ANKMY1: variants seen among roughly 807,000 people sequenced by gnomAD.
The protein encoded by ANKMY1 is ankyrin repeat and MYND domain containing 1, also known as ankyrin repeat and MYND domain-containing protein 1.
In ANKMY1, 98 loss-of-function variants were observed where a neutral mutation model predicts 102.0. The ratio of observed to expected loss-of-function variants is 0.96; its 90% CI spans 0.82 to 1.14. The LOEUF (loss-of-function observed/expected upper bound fraction) is 1.14. ANKMY1 is among the 50% of genes most tolerant of loss of function. The pLI is 0.00. For synonymous variants in ANKMY1, 582 were observed against 559.9 expected (o/e 1.04, Z -0.56); for missense variants, 1,330 against 1,347.6 (o/e 0.99, Z 0.20).
At chr2:240,513,456 CT>C (rs1348177512) in intron 9 of ANKMY1, among the ~76,000 whole-genome samples, 1 of 152,256 alleles carries the variant, frequency 6.6e-6, no homozygotes, top group African/African-American at 2.4e-5. Context: ...CCCTGCCGTC[CT>C]AAGGGAGAGC....
Position 240,555,233 on chromosome 2 carries a change from T to A in ANKMY1, c.147-178A>T, listed in dbSNP as rs1482839767. The A allele has an allele frequency of 4.0e-5, 26 of 654,962 alleles. No homozygotes were observed. The Admixed American group carries it at 7.1e-4, about 18-fold the overall frequency. The allele number at this position is 654,962 out of a possible 1,614,324, so 40.6% of individuals were successfully genotyped here. On this transcript the variant is annotated intron_variant, in intron 2 of 17. Coordinates refer to ENST00000401804, the MANE Select transcript of ANKMY1 (RefSeq NM_001282771.3). ...AACCGAGGCACAGAGGGTGCAGCGA[T>A]TGCCCAAGGCCACACAGGAAGTGGA...
In ANKMY1 at chr2:240,557,916, G is replaced by C; in HGVS notation, c.-53C>G. The C allele has an allele frequency of 1.1e-5, 11 of 985,596 alleles. No individual in the cohort carries two copies. Among genetic ancestry groups the C allele is most frequent in the Non-Finnish European group, 1.3e-5 (11 of 830,052 alleles). 61.1% of individuals were successfully genotyped at this position (985,596 alleles called of 1,614,324 possible). On this transcript the variant is annotated 5_prime_UTR_variant, in exon 1 of 18. Transcript: ENST00000401804. ...TCGAAGAGCTCGCGCCGGACAGCAG[G>C]GAGACCGACGGGACTGCAGCCACCG...
chr2:240,544,402 G>C (rs1260439360), intron 4 of ANKMY1, among the ~76,000 whole-genome samples: 1 of 152,202 alleles, frequency 6.6e-6, no homozygotes, highest in Admixed American at 6.5e-5. Context: ...AGTTGAAAAA[G>C]TTTAGATAGT....
the ANKMY1 span, among the ~76,000 whole-genome samples, chr2:240,472,598 C>G: frequency 2.6e-5 from 4 of 152,198 alleles, no homozygotes; most frequent in Non-Finnish European, 4.4e-5. Context: ...CCAGTCTGCC[C>G]AGGGACCAGA....
intron 13 of ANKMY1, among the ~76,000 whole-genome samples, chr2:240,504,341 G>A (rs1485090922): frequency 6.6e-6 from 1 of 152,146 alleles, no homozygotes; most frequent in Non-Finnish European, 1.5e-5. Context: ...AGGAGGCTAC[G>A]GAAAAGTATT....
At chr2:240,560,789 C>A, upstream of ANKMY1, 1 of 1,454,394 alleles carries the variant, frequency 6.9e-7, no homozygotes. Context: ...GAGCCGCGGG[C>A]GCGGAGGAGC....
At chr2:240,521,044 A>T (rs1026563357) in intron 8 of ANKMY1, among the ~76,000 whole-genome samples, 1 of 152,048 alleles carries the variant, frequency 6.6e-6, no homozygotes, top group Non-Finnish European at 1.5e-5. Flanking sequence ...CCAGGTCAGG[A>T]GTAAACTGTG....
intron 4 of ANKMY1, among the ~76,000 whole-genome samples, chr2:240,542,068 C>T (rs535319981): frequency 1.2e-4 from 18 of 151,990 alleles, no homozygotes; most frequent in South Asian, 2.1e-4. Flanking sequence ...ATTAGCTGGG[C>T]GTAGTGGCGT....
chr2:240,557,792 G>A, intron 1 of ANKMY1, 89 bp downstream of exon 1: 1 of 854,732 alleles, frequency 1.2e-6, no homozygotes. Context: ...TGGGGACCGC[G>A]AGCCTGGCGC....
At chr2:240,558,102 C>G (rs1476220565), upstream of ANKMY1, 3 of 515,986 alleles carry the variant, frequency 5.8e-6, no homozygotes, top group African/African-American at 6.3e-5. Context: ...CGTGCCCGCC[C>G]TCTGTGACTT....
At chr2:240,539,758 TTG>T (rs1309226023) in intron 4 of ANKMY1, among the ~76,000 whole-genome samples, 1 of 152,190 alleles carries the variant, frequency 6.6e-6, no homozygotes, top group Non-Finnish European at 1.5e-5. Flanking sequence ...AGGCTGCACA[TTG>T]TGTGATTTCA....
At chr2:240,553,361 T>C (rs1320387028) in intron 3 of ANKMY1, 3 of 360,846 alleles carry the variant, frequency 8.3e-6, no homozygotes, top group South Asian at 5.4e-5. Context: ...TTCTCCCTGG[T>C]GACCTTGATC....
At chr2:240,473,032 G>T in the ANKMY1 span, among the ~76,000 whole-genome samples, 1 of 150,340 alleles carries the variant, frequency 6.7e-6, no homozygotes, top group Non-Finnish European at 1.5e-5. Context: ...GCTGAGGTGG[G>T]AGAATCTCTT....
chr2:240,512,706 C>A (rs148140332), intron 10 of ANKMY1, 96 bp downstream of exon 10: 3 of 1,430,522 alleles, frequency 2.1e-6, no homozygotes, highest in Admixed American at 2.5e-5. Flanking sequence ...GGAGGCCCAT[C>A]ATGCTCGGCA....
chr2:240,516,302 C>T (rs1433238426), intron 9 of ANKMY1, among the ~76,000 whole-genome samples: 1 of 152,134 alleles, frequency 6.6e-6, no homozygotes, highest in Non-Finnish European at 1.5e-5. Flanking sequence ...ATTCAGTCTT[C>T]TTTACCTCAA....
chr2:240,516,365 G>A (rs1303453207), intron 9 of ANKMY1, among the ~76,000 whole-genome samples: 2 of 152,014 alleles, frequency 1.3e-5, no homozygotes, highest in Non-Finnish European at 2.9e-5. Context: ...GACATATTAG[G>A]CTTATTTGGC....
At position 240,509,340 on chromosome 2, in the gene ANKMY1, A is replaced by C. The variant is rs1263774071; in HGVS notation, c.2394+8T>G. 2.5e-6 allele frequency: 4 copies of C among 1,607,884 alleles called. No individual in the cohort carries two copies. The African/African-American group carries it at 5.4e-5, about 22-fold the overall frequency. On this transcript the variant is annotated splice_region_variant and intron_variant, in intron 12 of 17. Transcript: ENST00000401804. ...GTGCACAGGTCTGTGGGTACAGAACATGCTCACCAGCTCATTCCCACTGGC... is the reference window on the plus strand; with the variant it reads ...GTGCACAGGTCTGTGGGTACAGAACCTGCTCACCAGCTCATTCCCACTGGC...
At chr2:240,477,178 T>C (rs1321494041), downstream of ANKMY1, among the ~76,000 whole-genome samples, 1 of 152,042 alleles carries the variant, frequency 6.6e-6, no homozygotes, top group Non-Finnish European at 1.5e-5. Context: ...TAGCTGGGCG[T>C]GGTGGCGCAT....
At chr2:240,481,121 C>T in intron 16 of ANKMY1, 24 bp from the exon 17 acceptor site, 2 of 1,597,598 alleles carry the variant, frequency 1.3e-6, no homozygotes, top group Non-Finnish European at 1.7e-6. Context: ...TCACCGTCAG[C>T]AGGCGGCCAC....
Sources: gnomAD v4.1 joint callset for allele counts (sites outside exome capture counted in the v4.1 genomes callset) on GRCh38, gnomAD v4.1.1 for gene constraint, MANE v1.5 for transcripts, NCBI Gene and HGNC (gene_info 2026-07-23, HGNC 2026-07-21) for gene names.